The following ME1 variants were observed in gnomAD, a reference collection of about 807,000 sequenced individuals.
ME1 encodes malic enzyme 1, also known as NADP-dependent malic enzyme.
ME1 carries 74 observed loss-of-function variants against 66.4 expected under a neutral mutation model. The observed-to-expected ratio is 1.11, with a 90% CI of 0.92 to 1.35. The LOEUF (loss-of-function observed/expected upper bound fraction) is 1.35. Among genes scored for constraint, ME1 ranks in the 40% most tolerant of loss-of-function variants. The pLI is 0.00. For synonymous variants in ME1, 251 were observed against 235.6 expected (o/e 1.07, Z -0.60); for missense variants, 750 against 694.1 (o/e 1.08, Z -0.90).
chr6:83,397,692 G>A (rs2128550653), intron 3 of ME1, among the ~76,000 whole-genome samples: 1 of 152,250 alleles, frequency 6.6e-6, no homozygotes, highest in East Asian at 1.9e-4. Flanking sequence ...GTTCACTACA[G>A]CATTATTCAC....
chr6:83,301,446 G>A (rs934615703), intron 6 of ME1, among the ~76,000 whole-genome samples: 1 of 151,842 alleles, frequency 6.6e-6, no homozygotes, highest in Non-Finnish European at 1.5e-5. Context: ...GAGTTCAAGC[G>A]ATTCTCCTGC....
intron 6 of ME1, among the ~76,000 whole-genome samples, chr6:83,284,830 G>A (rs1434668211): frequency 6.6e-6 from 1 of 152,090 alleles, no homozygotes; most frequent in Non-Finnish European, 1.5e-5. Context: ...ATCCAACATA[G>A]TACTGCAAGT....
intron 7 of ME1, among the ~76,000 whole-genome samples, chr6:83,250,317 C>G (rs891459753): frequency 3.3e-5 from 5 of 151,562 alleles, no homozygotes; most frequent in Non-Finnish European, 7.4e-5. Context: ...TTGTTTTCCT[C>G]AAACTTCTGA....
At chr6:83,314,175 G>A (rs562368654) in intron 6 of ME1, among the ~76,000 whole-genome samples, 1 of 152,156 alleles carries the variant, frequency 6.6e-6, no homozygotes, top group East Asian at 1.9e-4. Flanking sequence ...TATGGTGGGA[G>A]TCTCTTTTCT....
chr6:83,211,959 C>T lies in ME1; in HGVS notation c.1684G>A (p.Glu562Lys). Reference protein sequence around the residue: ...ILPDCYSWPEEVQKIQTKVDQ With the variant: ...ILPDCYSWPEKVQKIQTKVDQ ...ACTTTGGTCTGTATTTTCTGCACCT[C>T]TTCAGGCCAAGAATAACAATCAGGT... Residue 562 changes from glutamate (E) to lysine (K), a missense_variant, in exon 14 of 14, where the codon GAG (glutamate) becomes AAG (lysine). By Grantham distance (56) the Glu-to-Lys change is moderately conservative (BLOSUM62 1). Transcript: ENST00000369705. 5 of 1,607,198 alleles carry T rather than the reference C, an allele frequency of 3.1e-6. No individual in the cohort carries two copies. The highest frequency in any genetic ancestry group is 4.3e-6 in the Non-Finnish European group (5 of 1,176,106).
chr6:83,317,506 A>G (rs1004775173), intron 5 of ME1, among the ~76,000 whole-genome samples: 64 of 151,810 alleles, frequency 4.2e-4, no homozygotes, highest in Non-Finnish European at 3.4e-4. Flanking sequence ...ATTTTTGCAC[A>G]TTGATTTTGT....
At chr6:83,326,106 A>AAC (rs1244073779) in intron 5 of ME1, among the ~76,000 whole-genome samples, 1 of 152,148 alleles carries the variant, frequency 6.6e-6, no homozygotes, top group South Asian at 2.1e-4. Context: ...ACACATCTAC[A>AAC]ACTATATGAT....
chr6:83,383,238 C>T (rs1186755249), intron 3 of ME1, among the ~76,000 whole-genome samples: 1 of 151,758 alleles, frequency 6.6e-6, no homozygotes, highest in African/African-American at 2.4e-5. Flanking sequence ...AGTTCAAGCC[C>T]CAACTCTGGC....
At chr6:83,364,713 A>ATATCTATC (rs532188010) in intron 3 of ME1, among the ~76,000 whole-genome samples, 1 of 151,388 alleles carries the variant, frequency 6.6e-6, no homozygotes, top group Non-Finnish European at 1.5e-5. Flanking sequence ...GGGTATATAC[A>ATATCTATC]TATCTATCTA....
At chr6:83,397,855 C>T (rs757650387) in intron 3 of ME1, among the ~76,000 whole-genome samples, 7 of 152,152 alleles carry the variant, frequency 4.6e-5, no homozygotes, top group Non-Finnish European at 1.5e-5. Context: ...TAGGATATTA[C>T]GTTAAGTGAA....
chr6:83,253,965 T>C (rs1790764307), intron 6 of ME1, among the ~76,000 whole-genome samples: 1 of 152,132 alleles, frequency 6.6e-6, no homozygotes, highest in African/African-American at 2.4e-5. Flanking sequence ...ATGACCAAAA[T>C]ATGTTCCCTT....
At chr6:83,271,854 T>C (rs1170664889) in intron 6 of ME1, among the ~76,000 whole-genome samples, 1 of 152,148 alleles carries the variant, frequency 6.6e-6, no homozygotes, top group Non-Finnish European at 1.5e-5. Context: ...ATATTATTTT[T>C]TATTACTTTT....
intron 9 of ME1, among the ~76,000 whole-genome samples, chr6:83,230,080 C>T (rs1790271491): frequency 6.6e-6 from 1 of 152,118 alleles, no homozygotes; most frequent in African/African-American, 2.4e-5. Flanking sequence ...TTCGCTTCAG[C>T]CTCCTGAGTC....
At chr6:83,240,296 T>C (rs539614214) in intron 7 of ME1, among the ~76,000 whole-genome samples, 10 of 152,242 alleles carry the variant, frequency 6.6e-5, no homozygotes, top group African/African-American at 2.4e-4. Context: ...GAATTTAATG[T>C]TAATGGCAAG....
chr6:83,264,404 C>G (rs1253698537), intron 6 of ME1, among the ~76,000 whole-genome samples: 1 of 152,104 alleles, frequency 6.6e-6, no homozygotes, highest in Non-Finnish European at 1.5e-5. Context: ...CATAGAGAGG[C>G]AATTTAAACT....
intron 1 of ME1, among the ~76,000 whole-genome samples, chr6:83,428,202 A>G (rs1770409237): frequency 6.6e-6 from 1 of 152,214 alleles, no homozygotes; most frequent in South Asian, 2.1e-4. Context: ...GAAAGAATTA[A>G]GAGATTCAGC....
intron 3 of ME1, among the ~76,000 whole-genome samples, chr6:83,376,582 C>T (rs759133999): frequency 2.0e-5 from 3 of 151,304 alleles, no homozygotes; most frequent in Non-Finnish European, 4.4e-5. Context: ...GGGCTGATCC[C>T]CCAAGGCCAG....
At chr6:83,380,935 AG>A (rs1211035891) in intron 3 of ME1, among the ~76,000 whole-genome samples, 1 of 152,160 alleles carries the variant, frequency 6.6e-6, no homozygotes, top group Non-Finnish European at 1.5e-5. Flanking sequence ...GAACAGATTA[AG>A]AAGGAAATAA....
intron 5 of ME1, among the ~76,000 whole-genome samples, chr6:83,324,371 AC>A (rs1562481203): frequency 6.6e-6 from 1 of 151,778 alleles, no homozygotes; most frequent in Non-Finnish European, 1.5e-5. Context: ...GACATGAAAA[AC>A]CCTTAAAAAA....
Sources: gnomAD v4.1 joint callset for allele counts (sites outside exome capture counted in the v4.1 genomes callset) on GRCh38, gnomAD v4.1.1 for gene constraint, MANE v1.5 for transcripts, NCBI Gene and HGNC (gene_info 2026-07-23, HGNC 2026-07-21) for gene names.